The following DLG2 variants were observed in gnomAD, a reference collection of about 807,000 sequenced individuals.
The protein encoded by DLG2 is disks large homolog 2.
A neutral mutation model predicts 132.5 loss-of-function variants in DLG2; 45 were observed. The observed-to-expected ratio is 0.34, with a 90% CI of 0.27 to 0.44. The LOEUF is 0.44. Ranked by LOEUF, DLG2 falls within the 20% of genes least tolerant of loss-of-function variation. The probability of loss-of-function intolerance (pLI) is 1.00; values close to 1 mark genes in which losing one functional copy is unlikely to be tolerated. For missense variants in DLG2, 1,045 were observed against 1,196.9 expected, an observed-to-expected ratio of 0.87 and a Z score of 1.87; for synonymous variants, 424 against 419.6, an observed-to-expected ratio of 1.01 and a Z score of -0.13.
chr11:85,186,980 A>T (rs2080153041), intron 4 of DLG2, among the ~76,000 whole-genome samples: 1 of 152,170 alleles, frequency 6.6e-6, no homozygotes, highest in Non-Finnish European at 1.5e-5. Flanking sequence ...CCCCTTAAAG[A>T]ATATTTTTAT....
At position 85,177,155 on chromosome 11, in the gene DLG2, A is replaced by T. The variant is rs148980858; in HGVS notation, c.187-22504T>A. Among the ~76,000 whole-genome samples, 588 of 152,204 alleles carry T rather than the reference A, an allele frequency of 3.9e-3. 7 individuals carry two copies. Among genetic ancestry groups the T allele is most frequent in the African/African-American group, 0.012 (509 of 41,518 alleles). ...ATTCTATTATAGAGATAACATGCAC[A>T]TGTATGTTCACTGCAGCACTATTCA... On this transcript the variant is annotated intron_variant, in intron 4 of 27. Coordinates refer to ENST00000376104, the MANE Select transcript of DLG2 (RefSeq NM_001142699.3).
chr11:84,733,639 T>A (rs971124432), intron 6 of DLG2, among the ~76,000 whole-genome samples: 1 of 152,226 alleles, frequency 6.6e-6, no homozygotes, highest in African/African-American at 2.4e-5. Context: ...CTCTTTAGTT[T>A]AATTAAATCC....
At chr11:84,793,207 T>G (rs2074113662) in intron 6 of DLG2, among the ~76,000 whole-genome samples, 1 of 152,214 alleles carries the variant, frequency 6.6e-6, no homozygotes, top group South Asian at 2.1e-4. Context: ...AATTTCCATG[T>G]GTTGTAATGT....
Position 83,668,800 on chromosome 11 carries a change from CATATATATGTGTATAT to C in DLG2, c.1826-35491_1826-35476del, listed in dbSNP as rs1566434118. 2.4e-3 allele frequency among the ~76,000 whole-genome samples: 159 copies of C among 66,118 alleles called. 4 individuals are homozygous for C. Among genetic ancestry groups the C allele is most frequent in the African/African-American group, 0.013 (143 of 10,766 alleles). 43.4% of individuals were successfully genotyped at this position (66,118 alleles called of 152,430 possible). ...ACATATATATGTGTATATAAACACA[CATATATATGTGTATAT>C]AAACATATATATGTGTATATAAACA... On this transcript the variant is annotated intron_variant, in intron 18 of 27. Transcript: ENST00000376104.
chr11:84,731,388 G>A (rs1320886851), intron 6 of DLG2, among the ~76,000 whole-genome samples: 3 of 152,022 alleles, frequency 2.0e-5, no homozygotes, highest in Admixed American at 2.0e-4. Flanking sequence ...GGCAGATGGG[G>A]ATAAGTGCTT....
At chr11:84,265,499 G>T (rs1184106418) in intron 7 of DLG2, among the ~76,000 whole-genome samples, 2 of 152,126 alleles carry the variant, frequency 1.3e-5, no homozygotes, top group Admixed American at 1.3e-4. Context: ...TCGGATTTTA[G>T]TCCTACTACA....
intron 3 of DLG2, among the ~76,000 whole-genome samples, chr11:85,487,851 G>C (rs2093464991): frequency 6.6e-6 from 1 of 152,140 alleles, no homozygotes; most frequent in African/African-American, 2.4e-5. Flanking sequence ...ATTTTGCCAT[G>C]GCACATTATA....
At chr11:84,044,651 G>A (rs904702126) in intron 11 of DLG2, among the ~76,000 whole-genome samples, 2 of 151,740 alleles carry the variant, frequency 1.3e-5, no homozygotes, top group African/African-American at 4.8e-5. Context: ...TCTAATTGGA[G>A]AAATTTCTCT....
intron 6 of DLG2, among the ~76,000 whole-genome samples, chr11:85,078,800 A>C (rs1161765543): frequency 6.6e-6 from 1 of 152,078 alleles, no homozygotes; most frequent in Non-Finnish European, 1.5e-5. Flanking sequence ...TCAACATAAA[A>C]ATTATTGTTA....
At chr11:84,558,279 A>C (rs1408429889) in intron 6 of DLG2, among the ~76,000 whole-genome samples, 1 of 152,170 alleles carries the variant, frequency 6.6e-6, no homozygotes, top group Non-Finnish European at 1.5e-5. Flanking sequence ...TGTCAGCCAC[A>C]AGGTGGCAAG....
chr11:83,918,537 C>G (rs1404647369), intron 15 of DLG2, among the ~76,000 whole-genome samples: 1 of 152,180 alleles, frequency 6.6e-6, no homozygotes, highest in Non-Finnish European at 1.5e-5. Flanking sequence ...ACAGAAACGT[C>G]CATGTTTGTC....
At chr11:85,529,605 C>G (rs1196143485) in intron 3 of DLG2, among the ~76,000 whole-genome samples, 1 of 152,120 alleles carries the variant, frequency 6.6e-6, no homozygotes, top group Non-Finnish European at 1.5e-5. Flanking sequence ...AACAAGTCTA[C>G]TCAGACTCTT....
intron 4 of DLG2, among the ~76,000 whole-genome samples, chr11:85,284,070 A>G (rs114268724): frequency 0.037 from 5,683 of 152,018 alleles, 144 homozygotes; most frequent in Admixed American, 0.05. Context: ...GATAAATGCT[A>G]TTAGTGTAAC....
chr11:83,776,220 T>C (rs1224967489), intron 18 of DLG2, among the ~76,000 whole-genome samples: 3 of 152,260 alleles, frequency 2.0e-5, no homozygotes, highest in Admixed American at 2.0e-4. Flanking sequence ...GATGAATTTA[T>C]GTATTCATAG....
At chr11:83,944,095 C>T (rs1366789639) in intron 14 of DLG2, among the ~76,000 whole-genome samples, 2 of 151,998 alleles carry the variant, frequency 1.3e-5, no homozygotes, top group African/African-American at 4.8e-5. Context: ...ATTCTTCCCT[C>T]AACCATTACT....
chr11:83,582,405 A>C (rs1396555932), intron 19 of DLG2, among the ~76,000 whole-genome samples: 1 of 152,198 alleles, frequency 6.6e-6, no homozygotes, highest in Admixed American at 6.5e-5. Flanking sequence ...ATAACCAAAA[A>C]GACACTTTTC....
chr11:85,145,221 G>A (rs1002278715), intron 5 of DLG2, among the ~76,000 whole-genome samples: 2 of 151,774 alleles, frequency 1.3e-5, no homozygotes, highest in African/African-American at 4.8e-5. Flanking sequence ...TTGCAATGTT[G>A]CTTGTTTCTT....
chr11:85,148,247 A>C (rs1343926589), intron 5 of DLG2, among the ~76,000 whole-genome samples: 2 of 152,290 alleles, frequency 1.3e-5, no homozygotes, highest in East Asian at 3.9e-4. Context: ...GGAATGATTT[A>C]TATTCCTTTG....
intron 6 of DLG2, chr11:84,887,446 A>G (rs1412477298): frequency 2.6e-5 from 4 of 152,150 alleles, no homozygotes; most frequent in East Asian, 3.9e-4. Flanking sequence ...ATTTTAAAAT[A>G]GCAAAATATT....
Sources: gnomAD v4.1 joint callset for allele counts (sites outside exome capture counted in the v4.1 genomes callset) on GRCh38, gnomAD v4.1.1 for gene constraint, MANE v1.5 for transcripts, NCBI Gene and HGNC (gene_info 2026-07-23, HGNC 2026-07-21) for gene names.